Variants in CCL28 observed in about 807,000 individuals in gnomAD.
The protein encoded by CCL28 is C-C motif chemokine ligand 28.
A neutral mutation model predicts 7.1 loss-of-function variants in CCL28; 4 were observed. The observed-to-expected ratio is 0.56, with a 90% confidence interval of 0.28 to 1.29. The LOEUF (loss-of-function observed/expected upper bound fraction) is 1.29, where lower values mean the gene tolerates loss of function less well. CCL28 is among the 50% of genes most tolerant of loss of function. The probability of loss-of-function intolerance (pLI) is 0.11; values close to 1 mark genes in which losing one functional copy is unlikely to be tolerated. For missense variants in CCL28, 151 were observed against 163.4 expected, an observed-to-expected ratio of 0.92 and a Z score of 0.41; for synonymous variants, 55 against 57.8, an observed-to-expected ratio of 0.95 and a Z score of 0.22.
downstream of CCL28, among the ~76,000 whole-genome samples, chr5:43,374,178 C>T (rs1246269407): frequency 6.6e-6 from 1 of 152,170 alleles, no homozygotes; most frequent in Non-Finnish European, 1.5e-5. Context: ...TAAATATTTA[C>T]TGAGTGCCTA....
rs80254916 is a variant in CCL28, at chr5:43,396,535, A to G, written c.65-8059T>C. On this transcript the variant is annotated intron_variant, in intron 1 of 2. Coordinates refer to ENST00000361115, the MANE Select transcript of CCL28 (RefSeq NM_148672.3). ...AGACCTTGTCTCTAATAATAAATAA[A>G]TGTTTGGCTCTAAGCTTAGAAACAA... Among the ~76,000 whole-genome samples the G allele has an allele frequency of 4.5e-3, 689 of 152,290 alleles. 27 individuals are homozygous for G. The East Asian group carries it at 0.08, about 18-fold the overall frequency.
At chr5:43,404,490 C>T (rs1741182196) in intron 1 of CCL28, among the ~76,000 whole-genome samples, 1 of 152,280 alleles carries the variant, frequency 6.6e-6, no homozygotes, top group Non-Finnish European at 1.5e-5. Context: ...GCCTGTCTTA[C>T]AAGAGCTCCT....
chr5:43,399,699 C>T (rs1012380009), intron 1 of CCL28, among the ~76,000 whole-genome samples: 2 of 152,102 alleles, frequency 1.3e-5, no homozygotes, highest in African/African-American at 4.8e-5. Flanking sequence ...TTACACAGTG[C>T]TTTTCATAGG....
intron 1 of CCL28, among the ~76,000 whole-genome samples, chr5:43,390,475 T>G (rs574849179): frequency 6.6e-6 from 1 of 152,282 alleles, no homozygotes; most frequent in East Asian, 1.9e-4. Flanking sequence ...CTCCTAGAGG[T>G]GCTCCCTTTG....
the CCL28 span, among the ~76,000 whole-genome samples, chr5:43,364,833 T>A: frequency 1.3e-5 from 2 of 152,130 alleles, no homozygotes; most frequent in African/African-American, 4.8e-5. Flanking sequence ...TATTTTTTTA[T>A]CTTTGTTGGT....
At chr5:43,359,949 C>T in the CCL28 span, among the ~76,000 whole-genome samples, 2 of 152,060 alleles carry the variant, frequency 1.3e-5, no homozygotes, top group African/African-American at 2.4e-5. Flanking sequence ...CAGCAGCACC[C>T]ATTCCCTAGT....
rs1422280387 is a variant in CCL28 at position 43,412,343 on chromosome 5, G to A, written c.-27C>T. 6.2e-7 allele frequency: 1 copy of A among 1,602,738 alleles called. No individual in the cohort carries two copies. The highest frequency in any genetic ancestry group is 8.5e-7 in the Non-Finnish European group (1 of 1,172,170). On this transcript the variant is annotated 5_prime_UTR_variant, in exon 1 of 3. Coordinates refer to ENST00000361115, the MANE Select transcript of CCL28 (RefSeq NM_148672.3). ...CCTGCCTGCCCTACTGGCACTGACA[G>A]CAACACAAGTGAGGCTGTTCGATCA...
the CCL28 span, among the ~76,000 whole-genome samples, chr5:43,365,056 G>A: frequency 6.8e-6 from 1 of 147,230 alleles, no homozygotes; most frequent in East Asian, 2.0e-4. Flanking sequence ...CCAGGCTGGA[G>A]TACAGTGGCG....
intron 2 of CCL28, chr5:43,388,116 C>G: frequency 2.2e-6 from 1 of 456,268 alleles, no homozygotes. Flanking sequence ...CACAGCACTA[C>G]AGGGTGGAAG....
chr5:43,364,876 A>G, the CCL28 span, among the ~76,000 whole-genome samples: 1 of 152,108 alleles, frequency 6.6e-6, no homozygotes, highest in South Asian at 2.1e-4. Flanking sequence ...CTAGGATTGC[A>G]ACCCCTGCTT....
the CCL28 span, among the ~76,000 whole-genome samples, chr5:43,367,393 G>C: frequency 6.6e-6 from 1 of 152,222 alleles, no homozygotes; most frequent in Non-Finnish European, 1.5e-5. Flanking sequence ...TTGGTCTGCG[G>C]GTTGTGAAGA....
rs1292653857 is a variant in CCL28, at chr5:43,380,127, A to C, written c.*1733T>G. 2.0e-5 allele frequency: 3 copies of C among 152,308 alleles called. No individual in the cohort carries two copies. The highest frequency in any genetic ancestry group is 4.4e-5 in the Non-Finnish European group (3 of 68,082). The allele number at this position is 152,308 out of a possible 1,614,324, so 9.4% of individuals were successfully genotyped here. A position where few individuals can be genotyped will look rare whatever the true frequency, so the allele number is the denominator to read the frequency against. ...CAGAGTGAGACTCTGTCTCAAAAAAAAACAACCAAACAACAACAAAAACGT... is the reference window on the plus strand; with the variant it reads ...CAGAGTGAGACTCTGTCTCAAAAAACAACAACCAAACAACAACAAAAACGT... On this transcript the variant is annotated 3_prime_UTR_variant, in exon 3 of 3. Transcript: ENST00000361115.
At chr5:43,366,947 G>A in the CCL28 span, among the ~76,000 whole-genome samples, 1 of 152,236 alleles carries the variant, frequency 6.6e-6, no homozygotes, top group Non-Finnish European at 1.5e-5. Flanking sequence ...TTTAAACTGT[G>A]TTTGTGTTTA....
Position 43,380,168 on chromosome 5 carries a change from T to C in CCL28, c.*1692A>G, listed in dbSNP as rs1418648091. 3 of 151,642 alleles carry C rather than the reference T, an allele frequency of 2.0e-5. No homozygotes were observed. Among genetic ancestry groups the C allele is most frequent in the African/African-American group, 7.3e-5 (3 of 41,294 alleles). The allele number at this position is 151,642 out of a possible 1,614,324, so 9.4% of individuals were successfully genotyped here. ...ACAAAAACGTGTGAGAAGGGTGGAA[T>C]AGGAGCTAAAAGATGTAGGCTCCTT... is the stretch of plus-strand genomic sequence containing the variant. On this transcript the variant is annotated 3_prime_UTR_variant, in exon 3 of 3. Coordinates refer to ENST00000361115, the MANE Select transcript of CCL28 (RefSeq NM_148672.3).
chr5:43,357,962 T>A, the CCL28 span, among the ~76,000 whole-genome samples: 12 of 152,222 alleles, frequency 7.9e-5, no homozygotes, highest in Non-Finnish European at 1.6e-4. Flanking sequence ...AGGCCTTGTT[T>A]CTGCTGCCCT....
intron 1 of CCL28, among the ~76,000 whole-genome samples, chr5:43,411,928 C>T (rs1289726854): frequency 6.6e-6 from 1 of 152,204 alleles, no homozygotes; most frequent in Admixed American, 6.5e-5. Context: ...ATAGTAGGGG[C>T]TTTACTCCAG....
intron 1 of CCL28, among the ~76,000 whole-genome samples, chr5:43,407,994 G>A (rs897018337): frequency 1.3e-5 from 2 of 152,164 alleles, no homozygotes; most frequent in African/African-American, 4.8e-5. Context: ...GAAACAACAG[G>A]TGCTGGAGAG....
chr5:43,394,102 C>G (rs1017374965), intron 1 of CCL28, among the ~76,000 whole-genome samples: 5 of 152,196 alleles, frequency 3.3e-5, no homozygotes, highest in Non-Finnish European at 7.3e-5. Context: ...CCCCATCTCA[C>G]TGATATGCAG....
downstream of CCL28, among the ~76,000 whole-genome samples, chr5:43,379,021 G>A (rs920308445): frequency 1.3e-5 from 2 of 152,016 alleles, no homozygotes; most frequent in Non-Finnish European, 2.9e-5. Flanking sequence ...ACTATCTTCA[G>A]ACAAAGTTCA....
Sources: gnomAD v4.1 joint callset for allele counts (sites outside exome capture counted in the v4.1 genomes callset) on GRCh38, gnomAD v4.1.1 for gene constraint, MANE v1.5 for transcripts, NCBI Gene and HGNC (gene_info 2026-07-23, HGNC 2026-07-21) for gene names.